SDK1: variants seen among roughly 807,000 people sequenced by gnomAD.
SDK1 encodes the protein sidekick cell adhesion molecule 1.
In SDK1, 157 loss-of-function variants were observed where a neutral mutation model predicts 245.5. That is an observed-to-expected ratio of 0.64 (90% CI 0.56 to 0.73). SDK1 has a LOEUF of 0.73. Ranked by LOEUF, SDK1 falls within the 30% of genes least tolerant of loss-of-function variation. The pLI, the probability that SDK1 is intolerant of heterozygous loss-of-function variation, is 0.00. For missense variants in SDK1, 3,583 were observed against 3,002.3 expected, an observed-to-expected ratio of 1.19 and a Z score of -4.52; for synonymous variants, 1,647 against 1,278.5, an observed-to-expected ratio of 1.29 and a Z score of -6.15.
intron 1 of SDK1, among the ~76,000 whole-genome samples, chr7:3,443,065 C>CT (rs11348477): frequency 4.2e-4 from 62 of 147,842 alleles, no homozygotes; most frequent in Middle Eastern, 3.6e-3. Context: ...AATCTAAGTG[C>CT]TTTTTTTTTT....
chr7:3,723,658 T>TTGTG lies in SDK1; in HGVS notation c.713+81571_713+81574dup, dbSNP rs139688945. On this transcript the variant is annotated intron_variant, in intron 4 of 44. Coordinates refer to ENST00000404826, the MANE Select transcript of SDK1 (RefSeq NM_152744.4). ...ATTTCATTCAGTTAGTAAGTAAAAG[T>TTGTG]TGTGTGTGTGTGTGTGTGTGTATAC... Among the ~76,000 whole-genome samples, 655 of 134,188 alleles carry TTGTG rather than the reference T, an allele frequency of 4.9e-3. 12 individuals are homozygous for TTGTG. Among genetic ancestry groups the TTGTG allele is most frequent in the South Asian group, 0.012 (51 of 4,246 alleles). The allele number at this position is 134,188 out of a possible 152,430, so 88.0% of individuals were successfully genotyped here.
chr7:3,834,429 C>T (rs1004075228), intron 5 of SDK1, among the ~76,000 whole-genome samples: 4 of 152,260 alleles, frequency 2.6e-5, no homozygotes, highest in East Asian at 1.9e-4. Flanking sequence ...AAGAAGCTTC[C>T]GAAGCACAGG....
chr7:4,100,229 G>A (rs766045268), intron 22 of SDK1, among the ~76,000 whole-genome samples: 14 of 152,212 alleles, frequency 9.2e-5, no homozygotes, highest in Non-Finnish European at 2.1e-4. Flanking sequence ...GGACAGATGC[G>A]GATGGGGAGG....
At chr7:3,494,367 G>C (rs1205083088) in intron 1 of SDK1, among the ~76,000 whole-genome samples, 2 of 152,130 alleles carry the variant, frequency 1.3e-5, no homozygotes, top group Non-Finnish European at 2.9e-5. Flanking sequence ...TTTTAGTCTT[G>C]GGACATTTAG....
chr7:4,210,286 G>A (rs2128228218), intron 38 of SDK1, 124 bp downstream of exon 38: 1 of 1,083,708 alleles, frequency 9.2e-7, no homozygotes, highest in South Asian at 2.7e-5. Context: ...CCTGAAGTGG[G>A]GGGTTTTGGA....
intron 1 of SDK1, among the ~76,000 whole-genome samples, chr7:3,329,251 A>G (rs1053428642): frequency 4.6e-5 from 7 of 152,162 alleles, no homozygotes; most frequent in Non-Finnish European, 1.0e-4. Context: ...AACCACGTCC[A>G]TGAGGCACTC....
At chr7:4,200,302 A>C (rs1420246112) in intron 35 of SDK1, among the ~76,000 whole-genome samples, 2 of 152,234 alleles carry the variant, frequency 1.3e-5, no homozygotes, top group African/African-American at 2.4e-5. Context: ...AAATGTGCAG[A>C]GGCTTGGCTG....
intron 1 of SDK1, among the ~76,000 whole-genome samples, chr7:3,463,774 G>A (rs1583894948): frequency 6.6e-6 from 1 of 152,098 alleles, no homozygotes; most frequent in African/African-American, 2.4e-5. Context: ...ACATTTCTCT[G>A]CCTTAGTGTC....
chr7:3,710,534 G>A (rs1208867913), intron 4 of SDK1, among the ~76,000 whole-genome samples: 1 of 152,130 alleles, frequency 6.6e-6, no homozygotes, highest in Non-Finnish European at 1.5e-5. Context: ...CTGTTTTCAT[G>A]CTTGACAGTG....
chr7:3,435,260 T>A (rs1779985776), intron 1 of SDK1, among the ~76,000 whole-genome samples: 1 of 150,316 alleles, frequency 6.7e-6, no homozygotes, highest in African/African-American at 2.4e-5. Context: ...ACTGGAGAGA[T>A]CTATTCCAGT....
At chr7:3,599,739 C>G (rs1781195117) in intron 1 of SDK1, among the ~76,000 whole-genome samples, 1 of 152,186 alleles carries the variant, frequency 6.6e-6, no homozygotes, top group Non-Finnish European at 1.5e-5. Flanking sequence ...GAATTTTTCA[C>G]TTTTCTCAAA....
At chr7:3,897,407 C>T (rs1475263453) in intron 5 of SDK1, among the ~76,000 whole-genome samples, 1 of 152,146 alleles carries the variant, frequency 6.6e-6, no homozygotes, top group African/African-American at 2.4e-5. Context: ...CTTCCTGTCT[C>T]CTTGAATTCT....
intron 1 of SDK1, among the ~76,000 whole-genome samples, chr7:3,358,786 A>C (rs555972400): frequency 6.6e-6 from 1 of 152,360 alleles, no homozygotes; most frequent in African/African-American, 2.4e-5. Context: ...AATGTGTCCT[A>C]GATGGAGGCA....
intron 2 of SDK1, among the ~76,000 whole-genome samples, chr7:3,632,144 G>C (rs1312471854): frequency 6.6e-6 from 1 of 152,158 alleles, no homozygotes; most frequent in Non-Finnish European, 1.5e-5. Flanking sequence ...AAGGTTTTCT[G>C]AAATTCCTTT....
chr7:4,007,317 G>A (rs1280313864), intron 14 of SDK1, among the ~76,000 whole-genome samples: 1 of 152,160 alleles, frequency 6.6e-6, no homozygotes, highest in Admixed American at 6.5e-5. Flanking sequence ...AACCCCAGAA[G>A]GAGAGATTAT....
intron 1 of SDK1, among the ~76,000 whole-genome samples, chr7:3,474,750 G>A (rs1781300316): frequency 6.6e-6 from 1 of 152,116 alleles, no homozygotes. Context: ...CAGTGCAGTG[G>A]CATGATCATA....
chr7:3,903,236 C>T (rs1052122022), intron 5 of SDK1, among the ~76,000 whole-genome samples: 9 of 151,696 alleles, frequency 5.9e-5, no homozygotes, highest in East Asian at 1.9e-4. Flanking sequence ...CTCCACCTCC[C>T]GGGTTCACTC....
Position 3,807,345 on chromosome 7 carries a change from C to T in SDK1, c.714-14105C>T, listed in dbSNP as rs74894289. ...GTGCTTAACGCTGACACACATAACT[C>T]GGGTGGTGTGGGGGCTCCCTCTTGA... On this transcript the variant is annotated intron_variant, in intron 4 of 44. Transcript: ENST00000404826. Among the ~76,000 whole-genome samples the T allele has an allele frequency of 5.8e-3, 885 of 152,278 alleles. 12 individuals are homozygous for T. Among genetic ancestry groups the T allele is most frequent in the African/African-American group, 0.02 (832 of 41,546 alleles).
chr7:3,491,004 T>C (rs1045131547), intron 1 of SDK1, among the ~76,000 whole-genome samples: 3 of 152,224 alleles, frequency 2.0e-5, no homozygotes, highest in African/African-American at 7.2e-5. Flanking sequence ...ACTGATCACC[T>C]TGCCTGTGCC....
Sources: gnomAD v4.1 joint callset for allele counts (sites outside exome capture counted in the v4.1 genomes callset) on GRCh38, gnomAD v4.1.1 for gene constraint, MANE v1.5 for transcripts, NCBI Gene and HGNC (gene_info 2026-07-23, HGNC 2026-07-21) for gene names.